The following KSR2 variants were observed in gnomAD, a reference collection of about 807,000 sequenced individuals.
KSR2 encodes kinase suppressor of ras 2.
KSR2 carries 25 observed loss-of-function variants against 107.8 expected under a neutral mutation model. The observed-to-expected ratio is 0.23, with a 90% CI of 0.17 to 0.32. The LOEUF is 0.32. Ranked by LOEUF, KSR2 falls within the 10% of genes least tolerant of loss-of-function variation. The probability of loss-of-function intolerance (pLI) is 1.00; values close to 1 mark genes in which losing one functional copy is unlikely to be tolerated. For missense variants in KSR2, 887 were observed against 1,268.9 expected (o/e 0.70, Z 4.57); for synonymous variants, 480 against 507.0 (o/e 0.95, Z 0.71).
chr12:117,588,909 G>C (rs1880160822), intron 5 of KSR2, among the ~76,000 whole-genome samples: 1 of 152,196 alleles, frequency 6.6e-6, no homozygotes, highest in African/African-American at 2.4e-5. Context: ...CTGAGCATGA[G>C]AGCAATGCTC....
At chr12:117,515,383 C>T (rs187983895) in intron 14 of KSR2, among the ~76,000 whole-genome samples, 1 of 152,246 alleles carries the variant, frequency 6.6e-6, no homozygotes, top group East Asian at 1.9e-4. Context: ...GCTACACTTG[C>T]CTAGAGGAGC....
chr12:117,632,567 C>T (rs944400376), intron 5 of KSR2, among the ~76,000 whole-genome samples: 4 of 152,070 alleles, frequency 2.6e-5, no homozygotes. Context: ...TTCAGGGGTA[C>T]ATGTGCAGGT....
At chr12:117,936,527 T>TAGTAG (rs1566089596) in intron 1 of KSR2, among the ~76,000 whole-genome samples, 1,775 of 119,520 alleles carry the variant, frequency 0.015, 10 homozygotes, top group Admixed American at 0.025. Flanking sequence ...ATTATTATTA[T>TAGTAG]TATTATTAGT....
At chr12:117,551,681 G>A (rs117405434) in intron 9 of KSR2, among the ~76,000 whole-genome samples, 67 of 152,230 alleles carry the variant, frequency 4.4e-4, no homozygotes, top group Non-Finnish European at 8.1e-4. Flanking sequence ...GACCAAATTG[G>A]CTCAGAAATG....
intron 1 of KSR2, among the ~76,000 whole-genome samples, chr12:117,923,805 G>A (rs7972616): frequency 0.22 from 33,644 of 151,732 alleles, 4,609 homozygotes; most frequent in Non-Finnish European, 0.32. Context: ...GAAAACAGGG[G>A]TGTGCTGCTT....
chr12:117,506,347 A>C (rs1415409521), intron 14 of KSR2, among the ~76,000 whole-genome samples: 1 of 152,178 alleles, frequency 6.6e-6, no homozygotes, highest in African/African-American at 2.4e-5. Context: ...ATTATATGTT[A>C]ATACTCTTTT....
intron 17 of KSR2, among the ~76,000 whole-genome samples, chr12:117,473,282 C>T (rs1420151669): frequency 2.0e-5 from 3 of 152,172 alleles, no homozygotes; most frequent in Non-Finnish European, 4.4e-5. Flanking sequence ...CGACTGTTGG[C>T]CTCATGCTGC....
chr12:117,948,637 G>A (rs1422950067), intron 1 of KSR2, among the ~76,000 whole-genome samples: 4 of 152,130 alleles, frequency 2.6e-5, no homozygotes, highest in Non-Finnish European at 4.4e-5. Context: ...AGGTGTAAAG[G>A]CAATTCAGTG....
chr12:117,864,686 T>C (rs1157350666), intron 1 of KSR2, among the ~76,000 whole-genome samples: 2 of 152,228 alleles, frequency 1.3e-5, no homozygotes, highest in African/African-American at 2.4e-5. Context: ...CAGGCCCCTC[T>C]CCTCACTTCT....
chr12:117,954,104 T>TA (rs1896440705), intron 1 of KSR2, among the ~76,000 whole-genome samples: 1 of 151,492 alleles, frequency 6.6e-6, no homozygotes, highest in Admixed American at 6.6e-5. Context: ...AAAAAAAAGT[T>TA]AAAATGGTAA....
intron 5 of KSR2, among the ~76,000 whole-genome samples, chr12:117,663,353 G>A (rs1261333500): frequency 6.6e-6 from 1 of 152,180 alleles, no homozygotes; most frequent in Non-Finnish European, 1.5e-5. Context: ...GGGAATAATA[G>A]TAGTACCTAC....
At chr12:117,687,961 TC>T (rs1885644631) in intron 4 of KSR2, among the ~76,000 whole-genome samples, 1 of 152,160 alleles carries the variant, frequency 6.6e-6, no homozygotes, top group Admixed American at 6.5e-5. Context: ...CTGAGAGTTA[TC>T]CCATAATATC....
At chr12:117,523,924 A>G (rs1252792775) in intron 14 of KSR2, among the ~76,000 whole-genome samples, 1 of 151,672 alleles carries the variant, frequency 6.6e-6, no homozygotes, top group African/African-American at 2.4e-5. Flanking sequence ...GTGAGCCGAG[A>G]TCACACCATT....
At chr12:117,580,777 G>C (rs895223613) in intron 6 of KSR2, among the ~76,000 whole-genome samples, 8 of 152,180 alleles carry the variant, frequency 5.3e-5, no homozygotes, top group Non-Finnish European at 1.0e-4. Context: ...CCTGGGGGCT[G>C]GACGATCTAG....
chr12:117,837,876 C>T (rs1461097222), intron 3 of KSR2, among the ~76,000 whole-genome samples: 2 of 152,208 alleles, frequency 1.3e-5, no homozygotes, highest in Admixed American at 6.5e-5. Flanking sequence ...GCAACAGGTT[C>T]TCTGTGTGGG....
chr12:117,840,074 CATTTT>C (rs1247921104), intron 3 of KSR2, among the ~76,000 whole-genome samples: 7 of 151,288 alleles, frequency 4.6e-5, no homozygotes, highest in Non-Finnish European at 1.0e-4. Flanking sequence ...ACTTTTTTCC[CATTTT>C]ATTTTATTTT....
At chr12:117,613,255 T>C (rs1382630749) in intron 5 of KSR2, among the ~76,000 whole-genome samples, 2 of 152,234 alleles carry the variant, frequency 1.3e-5, no homozygotes, top group South Asian at 2.1e-4. Context: ...CAAAGCTCTA[T>C]ATGCACATAC....
chr12:117,950,774 A>AATG (rs1198289018), intron 1 of KSR2, among the ~76,000 whole-genome samples: 5 of 144,042 alleles, frequency 3.5e-5, no homozygotes, highest in African/African-American at 1.1e-4. Context: ...TAATAATGAT[A>AATG]ATAATAATAA....
intron 3 of KSR2, among the ~76,000 whole-genome samples, chr12:117,763,531 G>A (rs1889122219): frequency 6.6e-6 from 1 of 152,130 alleles, no homozygotes; most frequent in Non-Finnish European, 1.5e-5. Context: ...ATCTAAGTTA[G>A]GGCAGTCACT....
Sources: allele counts gnomAD v4.1 joint callset (sites outside exome capture counted in the v4.1 genomes callset), GRCh38; gene constraint gnomAD v4.1.1; transcripts MANE v1.5; gene names NCBI Gene and HGNC (gene_info 2026-07-23, HGNC 2026-07-21).